MTHFS: variants seen among roughly 807,000 people sequenced by gnomAD.
The protein encoded by MTHFS is 5-formyltetrahydrofolate cyclo-ligase.
A neutral mutation model predicts 12.7 loss-of-function variants in MTHFS; 7 were observed. That is an observed-to-expected ratio of 0.55 (90% CI 0.31 to 1.03). The LOEUF (loss-of-function observed/expected upper bound fraction) is 1.03, where lower values mean the gene tolerates loss of function less well. MTHFS is among the 50% of genes least tolerant of loss of function. MTHFS has a pLI of 0.05. For missense variants in MTHFS, 252 were observed against 258.1 expected, an observed-to-expected ratio of 0.98 and a Z score of 0.16; for synonymous variants, 100 against 97.1, an observed-to-expected ratio of 1.03 and a Z score of -0.18.
At chr15:79,868,191 A>T (rs1024265828) in intron 2 of MTHFS, among the ~76,000 whole-genome samples, 2 of 152,230 alleles carry the variant, frequency 1.3e-5, no homozygotes, top group African/African-American at 4.8e-5. Flanking sequence ...AATAAAGCAG[A>T]TTAGGGAGAA....
At chr15:79,889,484 A>G (rs2034437034) in intron 1 of MTHFS, 130 bp from the exon 2 acceptor site, 10 of 1,342,106 alleles carry the variant, frequency 7.5e-6, no homozygotes, top group Non-Finnish European at 9.8e-6. Context: ...AGGGGGGGGG[A>G]CCAGAGTGAT....
intron 2 of MTHFS, among the ~76,000 whole-genome samples, chr15:79,874,106 A>T (rs1053105874): frequency 9.2e-5 from 14 of 152,206 alleles, no homozygotes; most frequent in Non-Finnish European, 1.8e-4. Flanking sequence ...TTTGAAAACA[A>T]CTACTATCTA....
chr15:79,869,505 G>C (rs959204160), intron 2 of MTHFS, among the ~76,000 whole-genome samples: 1 of 152,140 alleles, frequency 6.6e-6, no homozygotes, highest in African/African-American at 2.4e-5. Flanking sequence ...TGCAAGCATA[G>C]CTCTCTGCAA....
intron 2 of MTHFS, among the ~76,000 whole-genome samples, chr15:79,865,731 T>C (rs1230947659): frequency 2.0e-5 from 3 of 152,216 alleles, no homozygotes; most frequent in African/African-American, 7.2e-5. Flanking sequence ...TTGGATCTTC[T>C]GCCCCTGCAA....
At position 79,896,914 on chromosome 15, in the gene MTHFS, A is replaced by G. The variant is rs1307858274; in HGVS notation, c.75T>C (p.Ser25=). ...GELKQRLRAM[S]AEERLRQSRV... is the part of the protein sequence containing the mutation. ...GGGACTGGCGTAGCCGCTCCTCGGC[A>G]CTCATCGCCCGCAGACGCTGCTTCA... Residue 25 remains serine, a synonymous_variant, in exon 1 of 3, where the codon AGT becomes AGC. Coordinates refer to ENST00000258874, the MANE Select transcript of MTHFS (RefSeq NM_006441.4). 4.5e-6 allele frequency: 7 copies of G among 1,542,154 alleles called. No homozygotes were observed. In the South Asian group the frequency reaches 8.3e-5, roughly 18 times the overall value.
intron 2 of MTHFS, among the ~76,000 whole-genome samples, chr15:79,873,923 A>G (rs1183061109): frequency 1.3e-5 from 2 of 152,234 alleles, no homozygotes; most frequent in Non-Finnish European, 2.9e-5. Context: ...AGAAGGGCTG[A>G]GATAAACTCT....
intron 2 of MTHFS, among the ~76,000 whole-genome samples, chr15:79,860,010 A>G (rs2033882609): frequency 6.6e-6 from 1 of 152,182 alleles, no homozygotes; most frequent in African/African-American, 2.4e-5. Context: ...CCTAAAAGAA[A>G]ACATTAATAA....
intron 2 of MTHFS, among the ~76,000 whole-genome samples, chr15:79,864,194 C>G (rs780292874): frequency 6.6e-6 from 1 of 152,138 alleles, no homozygotes; most frequent in African/African-American, 2.4e-5. Context: ...TAAGGCTTAG[C>G]ACTTAGTAGA....
intron 2 of MTHFS, among the ~76,000 whole-genome samples, chr15:79,852,362 T>C (rs931601185): frequency 2.6e-5 from 4 of 152,236 alleles, no homozygotes; most frequent in African/African-American, 2.4e-5. Context: ...CTTCTGATTA[T>C]ATACAAAAAT....
intron 1 of MTHFS, among the ~76,000 whole-genome samples, chr15:79,896,099 T>C (rs1031306550): frequency 6.6e-6 from 1 of 152,352 alleles, no homozygotes. Flanking sequence ...GTGAAAGTAA[T>C]GAAACAGAGG....
intron 2 of MTHFS, among the ~76,000 whole-genome samples, chr15:79,861,876 G>T (rs2033921039): frequency 6.6e-6 from 1 of 152,116 alleles, no homozygotes; most frequent in Admixed American, 6.6e-5. Flanking sequence ...TTTTTAAAAG[G>T]ATACAAATAT....
chr15:79,896,782 A>G (rs1380966796), intron 1 of MTHFS, 90 bp downstream of exon 1: 1 of 1,358,166 alleles, frequency 7.4e-7, no homozygotes, highest in Non-Finnish European at 9.6e-7. Context: ...GCCCAGCGCC[A>G]GCACGGACCA....
At chr15:79,879,857 G>A (rs1001989131) in intron 2 of MTHFS, among the ~76,000 whole-genome samples, 1 of 152,076 alleles carries the variant, frequency 6.6e-6, no homozygotes, top group East Asian at 1.9e-4. Context: ...GCTCTTTCTT[G>A]TTTTTTAATT....
chr15:79,880,199 A>G (rs1363577678), intron 2 of MTHFS, among the ~76,000 whole-genome samples: 1 of 152,058 alleles, frequency 6.6e-6, no homozygotes, highest in African/African-American at 2.4e-5. Flanking sequence ...CCTCCTGAGT[A>G]GCTGGGACTA....
intron 2 of MTHFS, among the ~76,000 whole-genome samples, chr15:79,862,273 C>T (rs1346325663): frequency 3.3e-5 from 5 of 152,082 alleles, no homozygotes; most frequent in Non-Finnish European, 7.4e-5. Context: ...ACTAACACAC[C>T]CTATAAGTAA....
chr15:79,849,663 C>T (rs2033677572), intron 2 of MTHFS, among the ~76,000 whole-genome samples: 1 of 152,248 alleles, frequency 6.6e-6, no homozygotes, highest in Non-Finnish European at 1.5e-5. Flanking sequence ...TCGCCAAAGA[C>T]TCATTAATAG....
At chr15:79,890,477 C>T (rs1264121720) in intron 1 of MTHFS, among the ~76,000 whole-genome samples, 1 of 152,034 alleles carries the variant, frequency 6.6e-6, no homozygotes, top group Non-Finnish European at 1.5e-5. Flanking sequence ...GATCCACCCA[C>T]CTGGACCTCC....
intron 1 of MTHFS, among the ~76,000 whole-genome samples, chr15:79,890,279 G>GCAATCTGCAACCACTGCCT (rs1269344039): frequency 2.2e-5 from 3 of 136,896 alleles, no homozygotes; most frequent in African/African-American, 8.2e-5. Flanking sequence ...GTGCAGTGGT[G>GCAATCTGCAACCACTGCCT]CAATCTGCAA....
At chr15:79,875,169 C>T (rs571166711) in intron 2 of MTHFS, among the ~76,000 whole-genome samples, 12 of 151,982 alleles carry the variant, frequency 7.9e-5, no homozygotes, top group East Asian at 7.7e-4. Flanking sequence ...GTATTAATTT[C>T]GAGAACTAAT....
Sources: allele counts gnomAD v4.1 joint callset (sites outside exome capture counted in the v4.1 genomes callset), GRCh38; gene constraint gnomAD v4.1.1; transcripts MANE v1.5; gene names NCBI Gene and HGNC (gene_info 2026-07-23, HGNC 2026-07-21).